MYPN: variants seen among roughly 807,000 people sequenced by gnomAD.
MYPN encodes myopalladin, also known as sarcomeric protein myopalladin, 145 kDa (MYOP).
MYPN carries 63 observed loss-of-function variants against 129.4 expected under a neutral mutation model. That is an observed-to-expected ratio of 0.49 (90% CI 0.40 to 0.60). MYPN has a LOEUF of 0.60. MYPN is among the 20% of genes least tolerant of loss of function. The pLI, the probability that MYPN is intolerant of heterozygous loss-of-function variation, is 0.00. For synonymous variants in MYPN, 629 were observed against 600.9 expected, an observed-to-expected ratio of 1.05 and a Z score of -0.68; for missense variants, 1,596 against 1,635.4, an observed-to-expected ratio of 0.98 and a Z score of 0.42.
chr10:68,137,155 A>G (rs2042499691), intron 2 of MYPN, among the ~76,000 whole-genome samples: 1 of 152,224 alleles, frequency 6.6e-6, no homozygotes, highest in African/African-American at 2.4e-5. Context: ...TACATTTTCC[A>G]AAATGAACAA....
chr10:68,119,147 A>G (rs2042202662), intron 1 of MYPN, among the ~76,000 whole-genome samples: 1 of 152,138 alleles, frequency 6.6e-6, no homozygotes, highest in African/African-American at 2.4e-5. Context: ...TACTACATGT[A>G]GTTGGTGCAC....
At chr10:68,162,881 G>A (rs984351982) in intron 8 of MYPN, among the ~76,000 whole-genome samples, 1 of 152,172 alleles carries the variant, frequency 6.6e-6, no homozygotes, top group Non-Finnish European at 1.5e-5. Flanking sequence ...TAAAAAGTGT[G>A]GGGTGAAGTC....
Position 68,194,513 on chromosome 10 carries a change from G to A in MYPN, c.3075+1G>A. 1 of 1,613,426 alleles carries A rather than the reference G, an allele frequency of 6.2e-7. No individual in the cohort carries two copies. Among genetic ancestry groups the A allele is most frequent in the Non-Finnish European group, 8.5e-7 (1 of 1,179,644 alleles). ...CACCATCATGGCAGCCAACCCCCAG[G>A]TGGAGACGCAGGGTTCTGCGCTGTG... On this transcript the variant is annotated splice_donor_variant, in intron 14 of 19. Coordinates refer to ENST00000358913, the MANE Select transcript of MYPN (RefSeq NM_032578.4). LOFTEE classifies it high-confidence loss of function.
chr10:68,208,145 A>T (rs1453742761), intron 19 of MYPN, among the ~76,000 whole-genome samples: 1 of 152,238 alleles, frequency 6.6e-6, no homozygotes, highest in East Asian at 1.9e-4. Context: ...TTCTTAACCC[A>T]AAAGAGTGGT....
chr10:68,136,452 TGA>T, intron 2 of MYPN: 1 of 1,017,312 alleles, frequency 9.8e-7, no homozygotes, highest in Non-Finnish European at 1.3e-6. Flanking sequence ...GATGGAGGTT[TGA>T]GAGTATGGTT....
At chr10:68,156,845 A>G (rs539827180) in intron 6 of MYPN, among the ~76,000 whole-genome samples, 34 of 152,374 alleles carry the variant, frequency 2.2e-4, no homozygotes, top group African/African-American at 8.2e-4. Flanking sequence ...AAATTGTAAT[A>G]ATAGAAATCC....
At position 68,207,715 on chromosome 10, in the gene MYPN, G is replaced by T. The variant is rs371386278; in HGVS notation, c.3793+812G>T. Among the ~76,000 whole-genome samples the T allele has an allele frequency of 1.1e-3, 167 of 152,152 alleles. No homozygotes were observed. In the South Asian group the frequency reaches 0.021, roughly 19 times the overall value. On this transcript the variant is annotated intron_variant, in intron 19 of 19. Transcript: ENST00000358913. ...GATGACACATAGGCTCCCCTCTCTC[G>T]TCCAAAGGCGGGATTCAAAGTGATA...
chr10:68,092,468 C>G (rs1162732579), intron 1 of MYPN, among the ~76,000 whole-genome samples: 2 of 150,136 alleles, frequency 1.3e-5, no homozygotes, highest in Non-Finnish European at 2.9e-5. Context: ...GCACTCCAGC[C>G]TGGGGGACAA....
intron 15 of MYPN, 104 bp downstream of exon 15, chr10:68,195,636 C>A: frequency 1.1e-6 from 1 of 926,442 alleles, no homozygotes; most frequent in Non-Finnish European, 1.8e-6. Context: ...TAAAGGTAGT[C>A]CTTCACTTGC....
At position 68,189,085 on chromosome 10, in the gene MYPN, G is replaced by C; in HGVS notation, c.2884G>C (p.Val962Leu). ...KHFRVTEGSP[V>L]TFTCKIVGIP... is the part of the protein sequence containing the mutation. The stretch of plus-strand genomic sequence containing the variant: ...CTTCCGGGTCACAGAAGGCTCTCCA[G>C]TTACATTCACCTGCAAAATTGTTGG... The change falls in exon 13 of 20, where the codon GTT becomes CTT. Residue 962 changes from valine to leucine, a missense_variant. By Grantham distance (32) the Val-to-Leu change is conservative. Transcript: ENST00000358913. 1 of 1,614,152 alleles carries C rather than the reference G, an allele frequency of 6.2e-7. No homozygotes were observed. The highest frequency in any genetic ancestry group is 8.5e-7 in the Non-Finnish European group (1 of 1,180,026).
At position 68,211,346 on chromosome 10, in the gene MYPN, C is replaced by G. The variant is rs1163590066; in HGVS notation, c.*891C>G. 2 of 452,930 alleles carry G rather than the reference C, an allele frequency of 4.4e-6. No homozygotes were observed. The highest frequency in any genetic ancestry group is 8.8e-6 in the Non-Finnish European group (2 of 226,554). 28.1% of individuals were successfully genotyped at this position (452,930 alleles called of 1,614,324 possible). A position where few individuals can be genotyped will look rare whatever the true frequency, so the allele number is the denominator to read the frequency against. Reference sequence around the variant, plus strand: ...AAATACACCTCATGGGCTCCTACCCCTTTCCCCAAAAGTCTGAAAGTGTAG... The same window carrying G: ...AAATACACCTCATGGGCTCCTACCCGTTTCCCCAAAAGTCTGAAAGTGTAG... On this transcript the variant is annotated 3_prime_UTR_variant, in exon 20 of 20. Coordinates refer to ENST00000358913, the MANE Select transcript of MYPN (RefSeq NM_032578.4).
intron 1 of MYPN, among the ~76,000 whole-genome samples, chr10:68,098,748 C>A (rs1197403940): frequency 6.6e-6 from 1 of 152,032 alleles, no homozygotes; most frequent in Non-Finnish European, 1.5e-5. Context: ...GAGGCTGAGG[C>A]AGGAGAATCG....
intron 10 of MYPN, among the ~76,000 whole-genome samples, chr10:68,171,427 T>C (rs971246266): frequency 2.0e-5 from 3 of 152,092 alleles, no homozygotes; most frequent in African/African-American, 7.2e-5. Flanking sequence ...GAAGCTTGGT[T>C]GGAATGCAGA....
At chr10:68,090,221 G>A (rs1233752271) in intron 1 of MYPN, among the ~76,000 whole-genome samples, 2 of 151,956 alleles carry the variant, frequency 1.3e-5, no homozygotes, top group Admixed American at 6.6e-5. Context: ...GGAGTGCAGT[G>A]GCGCAATCTC....
At chr10:68,145,027 C>CTTT (rs768474511) in intron 3 of MYPN, among the ~76,000 whole-genome samples, 1 of 141,920 alleles carries the variant, frequency 7.0e-6, no homozygotes. Context: ...GAGTTCATTT[C>CTTT]TTTTTTTTTT....
intron 6 of MYPN, among the ~76,000 whole-genome samples, chr10:68,155,291 A>C (rs901749537): frequency 1.3e-5 from 2 of 152,216 alleles, no homozygotes; most frequent in Non-Finnish European, 2.9e-5. Flanking sequence ...TTTAGGAGGA[A>C]TAGAGAAAAA....
At chr10:68,153,905 A>G (rs1589563283) in intron 6 of MYPN, among the ~76,000 whole-genome samples, 1 of 148,890 alleles carries the variant, frequency 6.7e-6, no homozygotes, top group African/African-American at 2.5e-5. Context: ...TTCTTTGCCA[A>G]TCGTGGCAAG....
At chr10:68,150,179 C>A in intron 6 of MYPN, 68 bp downstream of exon 6, 1 of 1,334,778 alleles carries the variant, frequency 7.5e-7, no homozygotes, top group Non-Finnish European at 1.1e-6. Flanking sequence ...TTATAGGATA[C>A]AAGATTTATT....
chr10:68,194,998 A>G (rs1220322535), intron 14 of MYPN, among the ~76,000 whole-genome samples: 1 of 152,250 alleles, frequency 6.6e-6, no homozygotes, highest in Non-Finnish European at 1.5e-5. Flanking sequence ...TTCTGAATGA[A>G]GCCAAATCTT....
Sources: gnomAD v4.1 joint callset for allele counts (sites outside exome capture counted in the v4.1 genomes callset) on GRCh38, gnomAD v4.1.1 for gene constraint, MANE v1.5 for transcripts, NCBI Gene and HGNC (gene_info 2026-07-23, HGNC 2026-07-21) for gene names.